REXO5: variants seen among roughly 807,000 people sequenced by gnomAD.
The protein encoded by REXO5 is RNA exonuclease 5, also known as exonuclease NEF-sp.
REXO5 carries 48 observed loss-of-function variants against 88.5 expected under a neutral mutation model. That is an observed-to-expected ratio of 0.54 (90% CI 0.43 to 0.69). The LOEUF (loss-of-function observed/expected upper bound fraction) is 0.69. Among genes scored for constraint, REXO5 ranks in the 30% least tolerant of loss-of-function variants. The pLI, the probability that REXO5 is intolerant of heterozygous loss-of-function variation, is 0.00. For synonymous variants in REXO5, 311 were observed against 336.5 expected (o/e 0.92, Z 0.83); for missense variants, 749 against 912.2 (o/e 0.82, Z 2.30).
At chr16:20,839,383 T>C (rs1276801372) in intron 13 of REXO5, among the ~76,000 whole-genome samples, 2 of 152,036 alleles carry the variant, frequency 1.3e-5, no homozygotes, top group Non-Finnish European at 2.9e-5. Context: ...TTTTTTTTTT[T>C]TAACCAAATC....
intron 5 of REXO5, chr16:20,821,192 C>T (rs2081178849): frequency 2.0e-5 from 3 of 152,132 alleles, no homozygotes; most frequent in Admixed American, 1.3e-4. Flanking sequence ...TCAATCTTTT[C>T]CTTTCTTGAT....
chr16:20,820,086 T>C (rs1295909246), intron 5 of REXO5, among the ~76,000 whole-genome samples: 1 of 152,228 alleles, frequency 6.6e-6, no homozygotes, highest in African/African-American at 2.4e-5. Context: ...TTGAGGTTGA[T>C]GTTTCTTAAA....
intron 15 of REXO5, 122 bp downstream of exon 15, chr16:20,840,590 A>T: frequency 1.3e-6 from 1 of 795,862 alleles, no homozygotes. Flanking sequence ...CTGGAGTGTG[A>T]GACATACTCT....
Position 20,846,204 on chromosome 16 carries a change from CAT to C in REXO5, c.2125-16_2125-15del, listed in dbSNP as rs2081604556. The C allele has an allele frequency of 1.9e-6, 3 of 1,600,918 alleles. No individual in the cohort carries two copies. The highest frequency in any genetic ancestry group is 2.2e-5 in the South Asian group (2 of 90,816). On this transcript the variant is annotated splice_polypyrimidine_tract_variant and intron_variant, in intron 18 of 19. Transcript: ENST00000261377. Reference sequence around the variant, plus strand: ...AGAGTGTTCTGGCTGAGTATCGACACATGGCTTTGATCCCAGACTCTGAAACT... The same window carrying C: ...AGAGTGTTCTGGCTGAGTATCGACACGGCTTTGATCCCAGACTCTGAAACT...
intron 11 of REXO5, among the ~76,000 whole-genome samples, chr16:20,829,636 C>CA (rs1334339417): frequency 1.3e-5 from 2 of 152,210 alleles, no homozygotes; most frequent in Non-Finnish European, 2.9e-5. Context: ...AGCCACCACT[C>CA]ACTGAGGTCT....
chr16:20,843,313 ATTCTGTGGGTTGC>A (rs1230705869), intron 15 of REXO5, among the ~76,000 whole-genome samples: 8 of 152,112 alleles, frequency 5.3e-5, no homozygotes, highest in Non-Finnish European at 1.2e-4. Context: ...CTATTTCTCC[ATTCTGTGGGTTGC>A]TTTTTGACAC....
chr16:20,808,657 GC>G lies in REXO5; in HGVS notation c.138+1569del, dbSNP rs1237067512. ...TTTTGAGGTGGAGTCTCCCTCTGTT[GC>G]CCAGGCTGGATTTGGCTCACTGCAA... On this transcript the variant is annotated intron_variant, in intron 2 of 19. Transcript: ENST00000261377. 6.0e-5 allele frequency: 7 copies of G among 115,774 alleles called. 1 individual carries two copies. The highest frequency in any genetic ancestry group is 1.0e-4 in the Non-Finnish European group (6 of 58,472). The allele number at this position is 115,774 out of a possible 1,614,324, so 7.2% of individuals were successfully genotyped here.
intron 11 of REXO5, among the ~76,000 whole-genome samples, chr16:20,830,612 C>T (rs982783681): frequency 2.6e-5 from 4 of 152,170 alleles, no homozygotes; most frequent in Admixed American, 6.5e-5. Context: ...TTTTGCTAGT[C>T]GGCTGAGTCA....
At chr16:20,843,855 G>GT in intron 15 of REXO5, 79 bp from the exon 16 acceptor site, 3 of 1,019,468 alleles carry the variant, frequency 2.9e-6, no homozygotes, top group Non-Finnish European at 4.5e-6. Flanking sequence ...GGCCACTGTA[G>GT]TTTGAATCCT....
At chr16:20,824,926 T>C (rs1434716809) in intron 7 of REXO5, among the ~76,000 whole-genome samples, 3 of 152,032 alleles carry the variant, frequency 2.0e-5, no homozygotes, top group African/African-American at 7.2e-5. Context: ...GGAGAATCGC[T>C]TGAACCCAGT....
In REXO5 at chr16:20,844,806, G is replaced by C; in HGVS notation, c.1897G>C (p.Asp633His). Residue 633 changes from aspartate to histidine, a missense_variant, in exon 17 of 20, where the codon GAT becomes CAT. Asp to His is a moderately conservative substitution (Grantham distance 81). Transcript: ENST00000261377. ...LGLEAVILPK[D>H]LKSGKQKKYC... Reference sequence around the variant, plus strand: ...CCTGGAAGCTGTGATCTTGCCTAAAGATCTTAAAAGTGGAAAGCAGAAAAA... The same window carrying C: ...CCTGGAAGCTGTGATCTTGCCTAAACATCTTAAAAGTGGAAAGCAGAAAAA... 1.2e-6 allele frequency: 2 copies of C among 1,614,130 alleles called. No homozygotes were observed. Among genetic ancestry groups the C allele is most frequent in the Non-Finnish European group, 8.5e-7 (1 of 1,180,016 alleles).
At chr16:20,828,396 A>C in intron 10 of REXO5, 39 bp from the exon 11 acceptor site, 1 of 1,266,356 alleles carries the variant, frequency 7.9e-7, no homozygotes, top group Non-Finnish European at 1.2e-6. Context: ...CTATCATTAA[A>C]AGTGCTTCCA....
At chr16:20,842,473 G>GT (rs1567409443) in intron 15 of REXO5, among the ~76,000 whole-genome samples, 5 of 137,304 alleles carry the variant, frequency 3.6e-5, no homozygotes, top group South Asian at 2.4e-4. Context: ...TCTACCCTTT[G>GT]TTTTGTTTGT....
At position 20,825,853 on chromosome 16, in the gene REXO5, A is replaced by C. The variant is rs1375930208; in HGVS notation, c.726A>C (p.Arg242Ser). The change falls in exon 8 of 20, where the codon AGA (arginine) becomes AGC (serine). Residue 242 changes from arginine to serine, a missense_variant. Physicochemically the swap from Arg to Ser is moderately radical, Grantham distance 110. Transcript: ENST00000261377. ...DCEMCLTSKG[R>S]ELTRISLVAE... The stretch of plus-strand genomic sequence containing the variant: ...TTCAGTGCCTCACATCCAAGGGGAG[A>C]GAGCTAACACGCATCTCACTGGTTG... The C allele has an allele frequency of 6.2e-7, 1 of 1,613,630 alleles. No individual in the cohort carries two copies. The highest frequency in any genetic ancestry group is 1.3e-5 in the African/African-American group (1 of 74,902).
rs1435353851 is a variant in REXO5 at position 20,849,399 on chromosome 16, C to T, written c.2244C>T (p.Ser748=). The change falls in exon 20 of 20, where the codon AGC becomes AGT. Residue 748 remains serine, a splice_region_variant and synonymous_variant. Transcript: ENST00000261377. ...LCLILLPGTK[S]THGSLSGLGL... ...TACCTTTGTTTCTTATTTATTGCAG[C>T]ACTCATGGTTCACTCTCTGGTCTAG... is the stretch of plus-strand genomic sequence containing the variant. 8 of 1,612,572 alleles carry T rather than the reference C, an allele frequency of 5.0e-6. No individual in the cohort carries two copies. The highest frequency in any genetic ancestry group is 2.2e-5 in the East Asian group (1 of 44,884).
At chr16:20,806,516 G>A, upstream of REXO5, 1 of 1,539,858 alleles carries the variant, frequency 6.5e-7, no homozygotes, top group Non-Finnish European at 8.7e-7. Flanking sequence ...CCGCGAGGCT[G>A]AGGGGCGGTT....
intron 5 of REXO5, 132 bp downstream of exon 5, chr16:20,816,344 C>G: frequency 1.5e-6 from 1 of 659,146 alleles, no homozygotes; most frequent in South Asian, 2.1e-5. Context: ...TTTTTTGAAA[C>G]GGGGGTCTCA....
rs117118340 is a variant in REXO5 at position 20,807,751 on chromosome 16, C to A, written c.138+660C>A. Reference sequence around the variant, plus strand: ...GACCCCATCTCTTAAAAAAAAAAAACAAAAAACAAAACAAAAAAAAAACTG... The same window carrying A: ...GACCCCATCTCTTAAAAAAAAAAAAAAAAAAACAAAACAAAAAAAAAACTG... On this transcript the variant is annotated intron_variant, in intron 2 of 19. Coordinates refer to ENST00000261377, the MANE Select transcript of REXO5 (RefSeq NM_030941.3). Among the ~76,000 whole-genome samples, 553 of 137,836 alleles carry A rather than the reference C, an allele frequency of 4.0e-3. 4 individuals are homozygous for A. The highest frequency in any genetic ancestry group is 6.2e-3 in the Non-Finnish European group (380 of 61,498). 90.4% of individuals were successfully genotyped at this position (137,836 alleles called of 152,430 possible).
At chr16:20,822,980 C>T (rs1161077180) in intron 6 of REXO5, among the ~76,000 whole-genome samples, 2 of 152,184 alleles carry the variant, frequency 1.3e-5, no homozygotes, top group African/African-American at 4.8e-5. Context: ...GTGAAAGCTG[C>T]CGTACCATTT....
Sources: gnomAD v4.1 joint callset for allele counts (sites outside exome capture counted in the v4.1 genomes callset) on GRCh38, gnomAD v4.1.1 for gene constraint, MANE v1.5 for transcripts, NCBI Gene and HGNC (gene_info 2026-07-23, HGNC 2026-07-21) for gene names.